IQCE: variants seen among roughly 807,000 people sequenced by gnomAD.
IQCE encodes the protein IQ motif containing E, also known as IQ domain-containing protein E.
Under a neutral mutation model 96.0 loss-of-function variants are expected in IQCE, and 115 were observed. The ratio of observed to expected loss-of-function variants is 1.20; its 90% CI spans 1.03 to 1.40. The LOEUF (loss-of-function observed/expected upper bound fraction) is 1.40. Among genes scored for constraint, IQCE ranks in the 40% most tolerant of loss-of-function variants. The pLI is 0.00. For missense variants in IQCE, 1,041 were observed against 909.1 expected, an observed-to-expected ratio of 1.15 and a Z score of -1.87; for synonymous variants, 412 against 371.2, an observed-to-expected ratio of 1.11 and a Z score of -1.26.
In IQCE at chr7:2,575,802, CA is replaced by C. The variant is rs535630712; in HGVS notation, c.465+2315del. On this transcript the variant is annotated intron_variant, in intron 6 of 21. Transcript: ENST00000402050. ...TCTCCAGCATCCAGCTCAGATGAGG[CA>C]GAAAGAAAACTGAAGGAGCTCCCTG... Among the ~76,000 whole-genome samples, 1,065 of 152,278 alleles carry C rather than the reference CA, an allele frequency of 7.0e-3. 15 individuals carry two copies. Among genetic ancestry groups the C allele is most frequent in the African/African-American group, 0.024 (1,002 of 41,544 alleles).
intron 8 of IQCE, among the ~76,000 whole-genome samples, chr7:2,581,349 G>A (rs1171480560): frequency 1.3e-5 from 2 of 151,838 alleles, no homozygotes; most frequent in Admixed American, 1.3e-4. Flanking sequence ...GGGATTACAA[G>A]CACCTACCAC....
At chr7:2,602,402 T>C (rs1227554767) in intron 18 of IQCE, among the ~76,000 whole-genome samples, 1 of 152,184 alleles carries the variant, frequency 6.6e-6, no homozygotes, top group Non-Finnish European at 1.5e-5. Context: ...TGGTGGCCTC[T>C]GAGATGCTCC....
At position 2,578,531 on chromosome 7, in the gene IQCE, G is replaced by C; in HGVS notation, c.630+5G>C. 2.5e-6 allele frequency: 4 copies of C among 1,614,100 alleles called. No homozygotes were observed. The highest frequency in any genetic ancestry group is 1.1e-5 in the South Asian group (1 of 91,088). The stretch of plus-strand genomic sequence containing the variant: ...AAAAGGCCCGATGCCAGTTGGGTGA[G>C]TATGGTGTGTGCAGGACAGAGCCTT... On this transcript the variant is annotated splice_donor_5th_base_variant and intron_variant, in intron 8 of 21. Transcript: ENST00000402050.
At position 2,559,180 on chromosome 7, in the gene IQCE, C is replaced by T. The variant is rs1780725652; in HGVS notation, c.-2C>T. On this transcript the variant is annotated 5_prime_UTR_variant, in exon 1 of 22. Coordinates refer to ENST00000402050, the MANE Select transcript of IQCE (RefSeq NM_152558.5). ...GAGGGGCGGCCGGGCAGCGCCGCCA[C>T]CATGTTCCTGGGCACCGGGGAGCCG... 8 of 1,216,670 alleles carry T rather than the reference C, an allele frequency of 6.6e-6. No homozygotes were observed. In the South Asian group the frequency reaches 2.9e-4, roughly 44 times the overall value. The allele number at this position is 1,216,670 out of a possible 1,614,324, so 75.4% of individuals were successfully genotyped here. A position where few individuals can be genotyped will look rare whatever the true frequency, so the allele number is the denominator to read the frequency against.
In IQCE at chr7:2,601,470, C is replaced by T. The variant is rs377132672; in HGVS notation, c.1632+6C>T. ...AAAAGGCTGTTCTGGATGAGGTAAGCGAGGTTTATTTCTTGTTTCAAAATT... is the reference window on the plus strand; with the variant it reads ...AAAAGGCTGTTCTGGATGAGGTAAGTGAGGTTTATTTCTTGTTTCAAAATT... On this transcript the variant is annotated splice_donor_region_variant and intron_variant, in intron 18 of 21. Coordinates refer to ENST00000402050, the MANE Select transcript of IQCE (RefSeq NM_152558.5). 18 of 1,577,354 alleles carry T rather than the reference C, an allele frequency of 1.1e-5. No homozygotes were observed. Among genetic ancestry groups the T allele is most frequent in the Middle Eastern group, 2.0e-4 (1 of 5,034 alleles).
intron 6 of IQCE, 48 bp from the exon 7 acceptor site, chr7:2,578,194 G>A: frequency 7.0e-7 from 1 of 1,421,206 alleles, no homozygotes; most frequent in Non-Finnish European, 9.9e-7. Context: ...TGTGCGGCGT[G>A]TGCGCAGCTT....
chr7:2,562,149 A>G (rs1442052026), intron 1 of IQCE, among the ~76,000 whole-genome samples: 2 of 147,984 alleles, frequency 1.4e-5, no homozygotes, highest in East Asian at 1.9e-4. Context: ...TGAGAAAATC[A>G]TATGTTTCTT....
In IQCE at chr7:2,610,040, G is replaced by T; in HGVS notation, c.1970-4G>T. On this transcript the variant is annotated splice_region_variant and splice_polypyrimidine_tract_variant and intron_variant, in intron 21 of 21. Transcript: ENST00000402050. Reference sequence around the variant, plus strand: ...ACCCCTCTCCCTGTGGTTCATTTCTGCAGACCCCTCTCCCTCAGGGCCACA... The same window carrying T: ...ACCCCTCTCCCTGTGGTTCATTTCTTCAGACCCCTCTCCCTCAGGGCCACA... The T allele has an allele frequency of 6.5e-7, 1 of 1,540,168 alleles. No homozygotes were observed. The highest frequency in any genetic ancestry group is 9.0e-7 in the Non-Finnish European group (1 of 1,112,600).
At chr7:2,589,501 G>T (rs544697575) in intron 13 of IQCE, among the ~76,000 whole-genome samples, 2 of 152,320 alleles carry the variant, frequency 1.3e-5, no homozygotes, top group South Asian at 2.1e-4. Context: ...GGAGGGCGGG[G>T]ACGGGCTCAG....
intron 1 of IQCE, among the ~76,000 whole-genome samples, chr7:2,565,338 T>G (rs182409798): frequency 6.6e-6 from 1 of 152,294 alleles, no homozygotes; most frequent in East Asian, 1.9e-4. Flanking sequence ...TTTCCGGTCC[T>G]GACTGCGTTT....
intron 1 of IQCE, among the ~76,000 whole-genome samples, chr7:2,564,316 C>T (rs879356394): frequency 2.6e-5 from 4 of 152,028 alleles, no homozygotes; most frequent in Admixed American, 2.6e-4. Flanking sequence ...ATATCCAGGC[C>T]AGGCACAGTG....
chr7:2,578,629 G>A, intron 8 of IQCE, 103 bp downstream of exon 8: 2 of 1,287,386 alleles, frequency 1.6e-6, no homozygotes, highest in Non-Finnish European at 2.2e-6. Context: ...GTGAAGAGCA[G>A]CAGGCAGGGG....
At position 2,572,300 on chromosome 7, in the gene IQCE, C is replaced by G; in HGVS notation, c.368C>G (p.Pro123Arg). Reference sequence around the variant, plus strand: ...ACAGACACCTTCAGAGTGAAGAGGCCACATCTCAGGCGCTCTGCCAGCAAC... The same window carrying G: ...ACAGACACCTTCAGAGTGAAGAGGCGACATCTCAGGCGCTCTGCCAGCAAC... ...CLTDTFRVKR[P>R]HLRRSASNGH... The change falls in exon 5 of 22, where the codon CCA becomes CGA. Residue 123 changes from proline to arginine, a missense_variant. Coordinates refer to ENST00000402050, the MANE Select transcript of IQCE (RefSeq NM_152558.5). 6.2e-7 allele frequency: 1 copy of G among 1,614,164 alleles called. No homozygotes were observed. Among genetic ancestry groups the G allele is most frequent in the African/African-American group, 1.3e-5 (1 of 75,070 alleles).
At chr7:2,595,092 C>T (rs957130266) in intron 16 of IQCE, 116 bp downstream of exon 16, 5 of 724,884 alleles carry the variant, frequency 6.9e-6, no homozygotes, top group Non-Finnish European at 1.3e-5. Context: ...AATCCCACTC[C>T]CCTTTATCAT....
intron 6 of IQCE, among the ~76,000 whole-genome samples, chr7:2,576,296 C>T (rs939616362): frequency 1.3e-5 from 2 of 152,200 alleles, no homozygotes; most frequent in Non-Finnish European, 2.9e-5. Context: ...CCAGCCTACA[C>T]GCTGTTTCTT....
Position 2,559,192 on chromosome 7 carries a change from G to C in IQCE, c.11G>C (p.Gly4Ala). Reference sequence around the variant, plus strand: ...GGCAGCGCCGCCACCATGTTCCTGGGCACCGGGGAGCCGGCCTTGGACACG... The same window carrying C: ...GGCAGCGCCGCCACCATGTTCCTGGCCACCGGGGAGCCGGCCTTGGACACG... MFL[G>A]TGEPALDTGD... The change falls in exon 1 of 22, where the codon GGC (glycine) becomes GCC (alanine). Residue 4 changes from glycine to alanine, a missense_variant. By Grantham distance (60) the Gly-to-Ala change is moderately conservative. Coordinates refer to ENST00000402050, the MANE Select transcript of IQCE (RefSeq NM_152558.5). The C allele has an allele frequency of 8.2e-7, 1 of 1,216,924 alleles. No individual in the cohort carries two copies. The highest frequency in any genetic ancestry group is 1.0e-6 in the Non-Finnish European group (1 of 977,574). The allele number at this position is 1,216,924 out of a possible 1,614,324, so 75.4% of individuals were successfully genotyped here.
chr7:2,609,943 G>T, intron 21 of IQCE, 101 bp from the exon 22 acceptor site: 1 of 701,770 alleles, frequency 1.4e-6, no homozygotes, highest in Non-Finnish European at 2.5e-6. Context: ...GGTGGCTGCC[G>T]TCTTGCCTGC....
chr7:2,560,505 C>T (rs1416161539), intron 1 of IQCE, among the ~76,000 whole-genome samples: 1 of 152,222 alleles, frequency 6.6e-6, no homozygotes, highest in Non-Finnish European at 1.5e-5. Flanking sequence ...CTGAAGTTGC[C>T]TGCTTGTTCC....
intron 11 of IQCE, among the ~76,000 whole-genome samples, chr7:2,585,456 T>A (rs1290344427): frequency 1.3e-5 from 2 of 152,262 alleles, no homozygotes; most frequent in Non-Finnish European, 2.9e-5. Context: ...ATGGCTGGCC[T>A]GAACGAGGCT....
Sources: allele counts gnomAD v4.1 joint callset (sites outside exome capture counted in the v4.1 genomes callset), GRCh38; gene constraint gnomAD v4.1.1; transcripts MANE v1.5; gene names NCBI Gene and HGNC (gene_info 2026-07-23, HGNC 2026-07-21).